CACNA1E: variants seen among roughly 807,000 people sequenced by gnomAD.
CACNA1E encodes the protein calcium voltage-gated channel subunit alpha1 E, also known as voltage-dependent R-type calcium channel subunit alpha-1E.
In CACNA1E, 40 loss-of-function variants were observed where a neutral mutation model predicts 259.2. The observed-to-expected ratio is 0.15, with a 90% CI of 0.12 to 0.20. The LOEUF (loss-of-function observed/expected upper bound fraction) is 0.20, where lower values mean the gene tolerates loss of function less well. Ranked by LOEUF, CACNA1E falls within the 10% of genes least tolerant of loss-of-function variation. The pLI, the probability that CACNA1E is intolerant of heterozygous loss-of-function variation, is 1.00. For missense variants in CACNA1E, 1,874 were observed against 3,040.1 expected, an observed-to-expected ratio of 0.62 and a Z score of 9.02; for synonymous variants, 1,104 against 1,138.5, an observed-to-expected ratio of 0.97 and a Z score of 0.61.
chr1:181,585,019 C>G (rs188901913), intron 6 of CACNA1E, among the ~76,000 whole-genome samples: 23 of 149,440 alleles, frequency 1.5e-4, no homozygotes, highest in African/African-American at 3.4e-4. Flanking sequence ...GGTCCCCCCC[C>G]CTGCCTCAAA....
At chr1:181,793,365 A>G (rs1661497466) in intron 44 of CACNA1E, among the ~76,000 whole-genome samples, 1 of 152,240 alleles carries the variant, frequency 6.6e-6, no homozygotes, top group African/African-American at 2.4e-5. Context: ...GTATTATACC[A>G]AACAGTGTTT....
chr1:181,460,343 G>C lies in CACNA1E; in HGVS notation c.435-23401G>C, dbSNP rs550479213. Among the ~76,000 whole-genome samples the C allele has an allele frequency of 2.0e-3, 303 of 152,304 alleles. 1 individual carries two copies. The highest frequency in any genetic ancestry group is 6.8e-3 in the African/African-American group (284 of 41,566). On this transcript the variant is annotated intron_variant, in intron 2 of 11. Transcript: ENST00000524607. ...GAGAGATGGATGATGGCATGAACCA[G>C]AGTGGGAGCAGTGGTGGTCATGAGC... is the stretch of plus-strand genomic sequence containing the variant.
chr1:181,678,301 G>A (rs138577647), intron 7 of CACNA1E, among the ~76,000 whole-genome samples: 1,709 of 152,264 alleles, frequency 0.011, 12 homozygotes, highest in Non-Finnish European at 0.018. Flanking sequence ...TTGGATATCA[G>A]GATGCATGTT....
chr1:181,352,596 C>T (rs1324171964), intron 1 of CACNA1E, among the ~76,000 whole-genome samples: 1 of 152,288 alleles, frequency 6.6e-6, no homozygotes, highest in South Asian at 2.1e-4. Context: ...ATGCATTGGT[C>T]TCTCTCTTCA....
At chr1:181,666,781 A>C (rs1394511248) in intron 7 of CACNA1E, among the ~76,000 whole-genome samples, 2 of 152,072 alleles carry the variant, frequency 1.3e-5, no homozygotes, top group African/African-American at 4.8e-5. Context: ...TTTACAGTAT[A>C]TATAAGTGTA....
intron 6 of CACNA1E, among the ~76,000 whole-genome samples, chr1:181,650,167 G>C (rs1213552190): frequency 6.6e-6 from 1 of 152,186 alleles, no homozygotes; most frequent in African/African-American, 2.4e-5. Context: ...AGGAAGCATG[G>C]GGACAATGAA....
chr1:181,555,880 T>C (rs528368192), intron 3 of CACNA1E, among the ~76,000 whole-genome samples: 12 of 152,338 alleles, frequency 7.9e-5, no homozygotes, highest in Admixed American at 5.9e-4. Context: ...CATGCAGCCT[T>C]TCTTAAGCTT....
chr1:181,730,996 C>T (rs530501629), intron 18 of CACNA1E, among the ~76,000 whole-genome samples, 179 bp from the exon 19 acceptor site: 6 of 152,278 alleles, frequency 3.9e-5, no homozygotes, highest in South Asian at 2.1e-4. Context: ...AGCAAGGAAT[C>T]GAAAGTCACT....
At chr1:181,372,689 A>T (rs1654785073) in intron 1 of CACNA1E, among the ~76,000 whole-genome samples, 1 of 151,928 alleles carries the variant, frequency 6.6e-6, no homozygotes, top group Non-Finnish European at 1.5e-5. Flanking sequence ...TCTCATGGGG[A>T]ATGCGTCCAG....
intron 2 of CACNA1E, among the ~76,000 whole-genome samples, chr1:181,464,163 A>G (rs1295162452): frequency 1.3e-5 from 2 of 152,190 alleles, no homozygotes; most frequent in African/African-American, 4.8e-5. Context: ...ATAACTTTGT[A>G]GTTTTGGTAT....
At chr1:181,368,052 G>A (rs2101944044) in intron 1 of CACNA1E, among the ~76,000 whole-genome samples, 2 of 152,212 alleles carry the variant, frequency 1.3e-5, no homozygotes, top group East Asian at 3.9e-4. Context: ...CCAACATGGT[G>A]AAACCCTATC....
At chr1:181,343,076 G>A (rs1437217694) in intron 1 of CACNA1E, among the ~76,000 whole-genome samples, 3 of 152,000 alleles carry the variant, frequency 2.0e-5, no homozygotes, top group African/African-American at 7.3e-5. Flanking sequence ...GATTGGCTGT[G>A]GTTGGTGGTG....
In CACNA1E at chr1:181,738,393, C is replaced by T. The variant is rs1288315408; in HGVS notation, c.3579C>T (p.Phe1193=). Residue 1193 remains phenylalanine (F), a synonymous_variant, in exon 24 of 48, where the codon TTC becomes TTT. Transcript: ENST00000367573. The part of the protein sequence containing the change: ...NKVLRYFDYV[F]TGVFTFEMVI... ...TCCTGAGGTATTTTGACTATGTGTTCACGGGCGTGTTCACCTTTGAGATGG... is the reference window on the plus strand; with the variant it reads ...TCCTGAGGTATTTTGACTATGTGTTTACGGGCGTGTTCACCTTTGAGATGG... 3.1e-6 allele frequency: 5 copies of T among 1,613,866 alleles called. No individual in the cohort carries two copies. The highest frequency in any genetic ancestry group is 1.7e-5 in the Admixed American group (1 of 60,012).
chr1:181,758,685 AC>A lies in CACNA1E; in HGVS notation c.4495-71del, dbSNP rs1180004973. 2 of 846,740 alleles carry A rather than the reference AC, an allele frequency of 2.4e-6. No individual in the cohort carries two copies. The highest frequency in any genetic ancestry group is 2.4e-5 in the East Asian group (1 of 40,868). The allele number at this position is 846,740 out of a possible 1,614,324, so 52.5% of individuals were successfully genotyped here. On this transcript the variant is annotated intron_variant, in intron 31 of 47. Coordinates refer to ENST00000367573, the MANE Select transcript of CACNA1E (RefSeq NM_001205293.3). The surrounding 1 kb of genome is among the most constrained non-coding windows in gnomAD (Gnocchi z 4.2). ...ACAGGGCAGGAATGAGAGATGGCCA[AC>A]CTCAGTGACATGTATTCCCCCTCTT...
Position 181,737,531 on chromosome 1 carries a change from G to T in CACNA1E, c.3429G>T (p.Arg1143=). The part of the protein sequence containing the change: ...MFIFSTTNPI[R]RACHYIVNLR... ...CCATGCCCACTGCCCGCAGGATCCG[G>T]AGGGCCTGCCACTACATCGTGAACC... Residue 1143 remains arginine, a synonymous_variant, in exon 23 of 48, where the codon CGG becomes CGT. Transcript: ENST00000367573. The T allele has an allele frequency of 6.2e-7, 1 of 1,613,854 alleles. No individual in the cohort carries two copies. The highest frequency in any genetic ancestry group is 8.5e-7 in the Non-Finnish European group (1 of 1,179,786).
chr1:181,434,341 AAATT>A (rs1218484807), intron 2 of CACNA1E, among the ~76,000 whole-genome samples: 3 of 152,134 alleles, frequency 2.0e-5, no homozygotes, highest in African/African-American at 4.8e-5. Context: ...TTACTATTAT[AAATT>A]AATCAGTTTA....
chr1:181,488,372 A>G (rs1664032684), intron 1 of CACNA1E, among the ~76,000 whole-genome samples: 1 of 152,232 alleles, frequency 6.6e-6, no homozygotes, highest in Non-Finnish European at 1.5e-5. Context: ...CAGATAATGC[A>G]GAGGGGTTCA....
At chr1:181,657,105 C>T (rs1165536405) in intron 7 of CACNA1E, among the ~76,000 whole-genome samples, 1 of 152,136 alleles carries the variant, frequency 6.6e-6, no homozygotes, top group Non-Finnish European at 1.5e-5. Context: ...ACACTCTAAG[C>T]ATTTAATTCC....
chr1:181,578,471 G>A (rs1651196332), intron 4 of CACNA1E, among the ~76,000 whole-genome samples: 1 of 152,244 alleles, frequency 6.6e-6, no homozygotes, highest in Non-Finnish European at 1.5e-5. Flanking sequence ...GGAAGCTGAG[G>A]TGGGAGGATC....
Sources: gnomAD v4.1 joint callset for allele counts (sites outside exome capture counted in the v4.1 genomes callset) on GRCh38, gnomAD v4.1.1 for gene constraint, Gnocchi (gnomAD v3.1) non-coding constraint, MANE v1.5 for transcripts, NCBI Gene and HGNC (gene_info 2026-07-23, HGNC 2026-07-21) for gene names.